CTNND2: variants seen among roughly 807,000 people sequenced by gnomAD.
CTNND2 encodes catenin delta 2.
Under a neutral mutation model 144.4 loss-of-function variants are expected in CTNND2, and 22 were observed. The observed-to-expected ratio is 0.15, with a 90% CI of 0.11 to 0.22. The LOEUF is 0.22. Among genes scored for constraint, CTNND2 ranks in the 10% least tolerant of loss-of-function variants. CTNND2 has a pLI of 1.00. For synonymous variants in CTNND2, 751 were observed against 695.6 expected, an observed-to-expected ratio of 1.08 and a Z score of -1.25; for missense variants, 1,353 against 1,618.8, an observed-to-expected ratio of 0.84 and a Z score of 2.82.
At position 11,199,740 on chromosome 5, in the gene CTNND2, AG is replaced by A. The variant is rs1561010479; in HGVS notation, c.1762-80del. 3 of 1,038,196 alleles carry A rather than the reference AG, an allele frequency of 2.9e-6. No individual in the cohort carries two copies. In the African/African-American group the frequency reaches 4.7e-5, roughly 16 times the overall value. The allele number at this position is 1,038,196 out of a possible 1,614,324, so 64.3% of individuals were successfully genotyped here. A position where few individuals can be genotyped will look rare whatever the true frequency, so the allele number is the denominator to read the frequency against. On this transcript the variant is annotated intron_variant, in intron 10 of 21. Transcript: ENST00000304623. ...ACACCAAAACATGTTTTTCATATAAAGTATCTGCTAACAATTAATCGCACCA... is the reference window on the plus strand; with the variant it reads ...ACACCAAAACATGTTTTTCATATAAATATCTGCTAACAATTAATCGCACCA...
At chr5:11,065,414 C>T (rs187477869) in intron 16 of CTNND2, among the ~76,000 whole-genome samples, 46 of 152,350 alleles carry the variant, frequency 3.0e-4, no homozygotes, top group African/African-American at 1.1e-3. Flanking sequence ...CCCAGGAGCC[C>T]TGATACTTTG....
chr5:11,549,436 T>G (rs1775567513), intron 3 of CTNND2, among the ~76,000 whole-genome samples: 1 of 152,184 alleles, frequency 6.6e-6, no homozygotes, highest in Non-Finnish European at 1.5e-5. Flanking sequence ...TGTCCTTGAT[T>G]GGCTGACCCC....
intron 10 of CTNND2, among the ~76,000 whole-genome samples, chr5:11,222,546 C>A (rs1214408672): frequency 6.6e-6 from 1 of 152,174 alleles, no homozygotes; most frequent in Non-Finnish European, 1.5e-5. Context: ...TGGCTCACGC[C>A]TGTATTCTCA....
intron 1 of CTNND2, among the ~76,000 whole-genome samples, chr5:11,795,504 G>T (rs903273061): frequency 1.3e-5 from 2 of 152,192 alleles, no homozygotes; most frequent in African/African-American, 4.8e-5. Flanking sequence ...GGTGGGAGAA[G>T]ATAGGGGAGT....
At chr5:11,289,982 C>A (rs1016659189) in intron 9 of CTNND2, among the ~76,000 whole-genome samples, 2 of 152,160 alleles carry the variant, frequency 1.3e-5, no homozygotes, top group African/African-American at 2.4e-5. Context: ...GGAAAAATCA[C>A]CAGGATCACG....
intron 1 of CTNND2, among the ~76,000 whole-genome samples, chr5:11,812,796 G>A (rs1274536745): frequency 6.6e-6 from 1 of 152,086 alleles, no homozygotes; most frequent in Admixed American, 6.6e-5. Flanking sequence ...CTTAGGAGAG[G>A]ACACAGTGCT....
At chr5:11,741,237 T>C (rs747046634) in intron 1 of CTNND2, among the ~76,000 whole-genome samples, 4 of 152,200 alleles carry the variant, frequency 2.6e-5, no homozygotes, top group Non-Finnish European at 5.9e-5. Flanking sequence ...CAAAGGATTA[T>C]AAATCATTCT....
chr5:11,149,497 C>T (rs536416985), intron 12 of CTNND2, among the ~76,000 whole-genome samples: 72 of 152,314 alleles, frequency 4.7e-4, no homozygotes, highest in Middle Eastern at 6.8e-3. Flanking sequence ...CAGCTACTTT[C>T]TGGTAATAAG....
At chr5:11,513,170 A>T (rs1396739679) in intron 3 of CTNND2, among the ~76,000 whole-genome samples, 1 of 152,194 alleles carries the variant, frequency 6.6e-6, no homozygotes, top group Non-Finnish European at 1.5e-5. Flanking sequence ...GCCCAGCCCC[A>T]TTCAACAGCA....
At chr5:11,518,116 C>T (rs779806267) in intron 3 of CTNND2, among the ~76,000 whole-genome samples, 10 of 152,134 alleles carry the variant, frequency 6.6e-5, no homozygotes, top group Non-Finnish European at 1.3e-4. Context: ...CAATGGGCCG[C>T]ATATAAGATG....
intron 3 of CTNND2, among the ~76,000 whole-genome samples, chr5:11,432,525 C>A (rs916758594): frequency 6.6e-6 from 1 of 152,128 alleles, no homozygotes; most frequent in African/African-American, 2.4e-5. Context: ...GCTAGGTGTG[C>A]ATGACTCTGC....
intron 1 of CTNND2, among the ~76,000 whole-genome samples, chr5:11,761,255 T>C (rs1581839653): frequency 6.6e-6 from 1 of 152,160 alleles, no homozygotes; most frequent in East Asian, 1.9e-4. Flanking sequence ...TAAATTTAAA[T>C]TGTACAAGTG....
At chr5:11,235,062 C>T (rs999361340) in intron 10 of CTNND2, among the ~76,000 whole-genome samples, 2 of 152,166 alleles carry the variant, frequency 1.3e-5, no homozygotes, top group African/African-American at 4.8e-5. Context: ...TTTTCAGGCC[C>T]TCTTGGTGTG....
rs530198410 is a variant in CTNND2, at chr5:11,692,555, T to C, written c.174+39581A>G. Among the ~76,000 whole-genome samples, 8 of 152,346 alleles carry C rather than the reference T, an allele frequency of 5.3e-5. No homozygotes were observed. The South Asian group carries it at 1.7e-3, about 32-fold the overall frequency. On this transcript the variant is annotated intron_variant, in intron 2 of 21. Transcript: ENST00000304623. ...GCTCAAGAGGCAGCTGGGTGTGTGA[T>C]GAGAAGATAAACGCCATTAGGTGGA...
At chr5:11,124,805 G>A (rs992121740) in intron 12 of CTNND2, among the ~76,000 whole-genome samples, 3 of 152,104 alleles carry the variant, frequency 2.0e-5, no homozygotes, top group African/African-American at 7.2e-5. Context: ...TTATATGCAC[G>A]TTATGCATGG....
chr5:11,130,469 T>C (rs1386700505), intron 12 of CTNND2, among the ~76,000 whole-genome samples: 1 of 152,194 alleles, frequency 6.6e-6, no homozygotes, highest in Non-Finnish European at 1.5e-5. Context: ...AAGTACTACC[T>C]AGGGTTTTAG....
chr5:11,541,836 CG>C lies in CTNND2; in HGVS notation c.287+23107del, dbSNP rs1280188952. Among the ~76,000 whole-genome samples, 12 of 132,096 alleles carry C rather than the reference CG, an allele frequency of 9.1e-5. No homozygotes were observed. The East Asian group carries it at 2.4e-3, about 27-fold the overall frequency. 86.7% of individuals were successfully genotyped at this position (132,096 alleles called of 152,430 possible). On this transcript the variant is annotated intron_variant, in intron 3 of 21. Coordinates refer to ENST00000304623, the MANE Select transcript of CTNND2 (RefSeq NM_001332.4). Reference sequence around the variant, plus strand: ...GATTTGTCAACTTATTATTTATTATCGACCCCCCCCCCCCGGCCAAAAGCCT... The same window carrying C: ...GATTTGTCAACTTATTATTTATTATCACCCCCCCCCCCCGGCCAAAAGCCT...
chr5:11,765,069 A>G (rs1402871697), intron 1 of CTNND2, among the ~76,000 whole-genome samples: 1 of 134,444 alleles, frequency 7.4e-6, no homozygotes, highest in Non-Finnish European at 1.5e-5. Context: ...TTCCTCATAG[A>G]GAAAATGTTT....
intron 12 of CTNND2, among the ~76,000 whole-genome samples, chr5:11,138,112 G>T (rs940578620): frequency 4.6e-5 from 7 of 152,188 alleles, no homozygotes; most frequent in African/African-American, 1.4e-4. Context: ...CTGGTTGTCA[G>T]CTGAGGATCT....
Sources: gnomAD v4.1 joint callset for allele counts (sites outside exome capture counted in the v4.1 genomes callset) on GRCh38, gnomAD v4.1.1 for gene constraint, MANE v1.5 for transcripts, NCBI Gene and HGNC (gene_info 2026-07-23, HGNC 2026-07-21) for gene names.